The following KCNMA1 variants were observed in gnomAD, a reference collection of about 807,000 sequenced individuals.
KCNMA1 encodes the protein Calcium-activated potassium channel subunit alpha-1.
In KCNMA1, 29 loss-of-function variants were observed where a neutral mutation model predicts 140.0. The ratio of observed to expected loss-of-function variants is 0.21; its 90% CI spans 0.15 to 0.28. KCNMA1 has a LOEUF of 0.28. KCNMA1 is among the 10% of genes least tolerant of loss of function. The pLI is 1.00. For missense variants in KCNMA1, 880 were observed against 1,602.2 expected, an observed-to-expected ratio of 0.55 and a Z score of 7.70; for synonymous variants, 612 against 611.9, an observed-to-expected ratio of 1.00 and a Z score of 0.00.
chr10:77,145,328 T>C (rs1242404406), intron 5 of KCNMA1, among the ~76,000 whole-genome samples: 19 of 152,236 alleles, frequency 1.2e-4, no homozygotes, highest in Admixed American at 1.2e-3. Flanking sequence ...AGAAAGGATT[T>C]CTTATAAATT....
intron 1 of KCNMA1, among the ~76,000 whole-genome samples, chr10:77,564,471 T>C (rs2154559516): frequency 6.6e-6 from 1 of 152,204 alleles, no homozygotes; most frequent in East Asian, 1.9e-4. Flanking sequence ...TAATCCCAAC[T>C]ACTCTGGAGG....
chr10:77,073,145 G>A lies in KCNMA1; in HGVS notation c.1701C>T (p.Gly567=), dbSNP rs746337315. 3.7e-6 allele frequency: 6 copies of A among 1,614,144 alleles called. No homozygotes were observed. Among genetic ancestry groups the A allele is most frequent in the East Asian group, 4.5e-5 (2 of 44,882 alleles). The change falls in exon 14 of 28, where the codon GGC becomes GGT. Residue 567 remains glycine (G), a synonymous_variant. Coordinates refer to ENST00000286628, the MANE Select transcript of KCNMA1 (RefSeq NM_001161352.2). ...GFIAQSCLAQ[G]LSTMLANLFS... is the part of the protein sequence containing the mutation. ...AGAGGTTGGCAAGCATGGTGGAGAGGCCTTGAGCCAGGCAGCTCTGGGCTA... is the reference window on the plus strand; with the variant it reads ...AGAGGTTGGCAAGCATGGTGGAGAGACCTTGAGCCAGGCAGCTCTGGGCTA...
intron 2 of KCNMA1, among the ~76,000 whole-genome samples, chr10:77,334,091 A>G (rs1303091292): frequency 6.6e-6 from 1 of 152,000 alleles, no homozygotes; most frequent in African/African-American, 2.4e-5. Context: ...GCCTTGTTTG[A>G]TTTTCCACCA....
At position 77,241,049 on chromosome 10, in the gene KCNMA1, C is replaced by A. The variant is rs546937686; in HGVS notation, c.602+10146G>T. On this transcript the variant is annotated intron_variant, in intron 3 of 27. Transcript: ENST00000286628. ...CTGGGTTGCTGAAGTTCCTATTTCC[C>A]AAAGCCAAGTTATCAGACAGGGCTT... Among the ~76,000 whole-genome samples, 7 of 152,264 alleles carry A rather than the reference C, an allele frequency of 4.6e-5. No individual in the cohort carries two copies. In the South Asian group the frequency reaches 8.3e-4, roughly 18 times the overall value.
intron 3 of KCNMA1, among the ~76,000 whole-genome samples, chr10:77,235,974 T>C (rs765528709): frequency 6.6e-6 from 1 of 152,110 alleles, no homozygotes; most frequent in East Asian, 1.9e-4. Context: ...CAGTGTTATT[T>C]TGGGTAGGGG....
chr10:77,551,579 C>G (rs914239717), intron 1 of KCNMA1, among the ~76,000 whole-genome samples: 4 of 152,214 alleles, frequency 2.6e-5, no homozygotes, highest in Admixed American at 6.5e-5. Flanking sequence ...GGAACCGTTT[C>G]CAACTAAACT....
chr10:77,334,382 A>G (rs2087928247), intron 2 of KCNMA1, among the ~76,000 whole-genome samples: 1 of 152,232 alleles, frequency 6.6e-6, no homozygotes, highest in Non-Finnish European at 1.5e-5. Flanking sequence ...ATCAAAAATT[A>G]AGGTGTATTT....
chr10:77,399,994 G>C (rs961238754), intron 2 of KCNMA1, among the ~76,000 whole-genome samples: 1 of 152,224 alleles, frequency 6.6e-6, no homozygotes, highest in African/African-American at 2.4e-5. Flanking sequence ...AGGCCCAGAT[G>C]AGGAGGCCAA....
intron 2 of KCNMA1, among the ~76,000 whole-genome samples, chr10:77,343,561 C>T (rs1409037959): frequency 1.3e-5 from 2 of 152,102 alleles, no homozygotes; most frequent in African/African-American, 4.8e-5. Context: ...TTATCAGGCA[C>T]CCCTTTCAAC....
intron 19 of KCNMA1, among the ~76,000 whole-genome samples, chr10:76,971,623 G>A (rs1164931741): frequency 2.6e-5 from 4 of 152,168 alleles, no homozygotes; most frequent in East Asian, 1.9e-4. Context: ...ACCCACAGCC[G>A]ACCCCCTGTA....
At position 77,078,033 on chromosome 10, in the gene KCNMA1, G is replaced by C. The variant is rs191493724; in HGVS notation, c.1593+1448C>G. On this transcript the variant is annotated intron_variant, in intron 13 of 27. Transcript: ENST00000286628. ...AGTCACTGACAGCAGGCTCCACTCAGTGACAGCCTCTGATGGGCCTCCACA... is the reference window on the plus strand; with the variant it reads ...AGTCACTGACAGCAGGCTCCACTCACTGACAGCCTCTGATGGGCCTCCACA... The C allele has an allele frequency of 1.1e-4, 17 of 152,374 alleles. No homozygotes were observed. In the East Asian group the frequency reaches 3.3e-3, roughly 29 times the overall value. 9.4% of individuals were successfully genotyped at this position (152,374 alleles called of 1,614,324 possible). A position where few individuals can be genotyped will look rare whatever the true frequency, so the allele number is the denominator to read the frequency against.
intron 2 of KCNMA1, chr10:77,373,554 G>A (rs2094886106): frequency 6.6e-6 from 1 of 152,184 alleles, no homozygotes; most frequent in African/African-American, 2.4e-5. Context: ...TAATGAGATG[G>A]GGCTATTGTT....
intron 3 of KCNMA1, among the ~76,000 whole-genome samples, chr10:77,200,351 G>A (rs1422460209): frequency 6.6e-6 from 1 of 152,198 alleles, no homozygotes; most frequent in Admixed American, 6.5e-5. Flanking sequence ...AGAAGGTTGT[G>A]AAGACAGAGG....
chr10:77,496,421 C>T (rs898919720), intron 1 of KCNMA1, among the ~76,000 whole-genome samples: 1 of 151,794 alleles, frequency 6.6e-6, no homozygotes, highest in Non-Finnish European at 1.5e-5. Context: ...ATGGTGAAAC[C>T]CCGTCTCTAC....
intron 1 of KCNMA1, among the ~76,000 whole-genome samples, chr10:77,577,428 C>G (rs2074531550): frequency 6.6e-6 from 1 of 152,114 alleles, no homozygotes; most frequent in Admixed American, 6.5e-5. Flanking sequence ...CTTGCCTCAT[C>G]AAGGACCGGG....
At chr10:77,362,906 G>A (rs547736301) in intron 2 of KCNMA1, among the ~76,000 whole-genome samples, 1 of 152,298 alleles carries the variant, frequency 6.6e-6, no homozygotes, top group South Asian at 2.1e-4. Flanking sequence ...TGTGAGAGAG[G>A]CAGATACATT....
chr10:77,403,574 GGT>G lies in KCNMA1; in HGVS notation c.540+286_540+287del, dbSNP rs147994970. Among the ~76,000 whole-genome samples, 4 of 151,964 alleles carry G rather than the reference GGT, an allele frequency of 2.6e-5. No homozygotes were observed. In the East Asian group the frequency reaches 5.8e-4, roughly 22 times the overall value. ...TCTTCTCCTCTCCAAGATGATGGAG[GGT>G]GTGTGTGTGTGCGCGCATGTGTGCT... On this transcript the variant is annotated intron_variant, in intron 2 of 27. Transcript: ENST00000286628.
chr10:77,160,362 T>C (rs2098541766), intron 5 of KCNMA1, among the ~76,000 whole-genome samples: 1 of 152,214 alleles, frequency 6.6e-6, no homozygotes, highest in African/African-American at 2.4e-5. Flanking sequence ...GGCTTTTCCA[T>C]GTTTTAAGAC....
intron 1 of KCNMA1, among the ~76,000 whole-genome samples, chr10:77,475,024 G>A (rs2098247072): frequency 6.6e-6 from 1 of 152,208 alleles, no homozygotes; most frequent in Admixed American, 6.5e-5. Flanking sequence ...AGCACACAGA[G>A]GTGTGGGTGA....
Sources: allele counts gnomAD v4.1 joint callset (sites outside exome capture counted in the v4.1 genomes callset), GRCh38; gene constraint gnomAD v4.1.1; transcripts MANE v1.5; gene names NCBI Gene and HGNC (gene_info 2026-07-23, HGNC 2026-07-21).